VAV3: variants seen among roughly 807,000 people sequenced by gnomAD.
VAV3 encodes the protein vav guanine nucleotide exchange factor 3.
Under a neutral mutation model 131.2 loss-of-function variants are expected in VAV3, and 94 were observed. The observed-to-expected ratio is 0.72, with a 90% confidence interval of 0.61 to 0.85. VAV3 has a LOEUF of 0.85. VAV3 is among the 40% of genes least tolerant of loss of function. The pLI, the probability that VAV3 is intolerant of heterozygous loss-of-function variation, is 0.00. For missense variants in VAV3, 939 were observed against 1,002.7 expected (o/e 0.94, Z 0.86); for synonymous variants, 349 against 342.0 (o/e 1.02, Z -0.22).
At chr1:107,916,571 A>G (rs1672629066) in intron 1 of VAV3, among the ~76,000 whole-genome samples, 1 of 152,242 alleles carries the variant, frequency 6.6e-6, no homozygotes, top group Non-Finnish European at 1.5e-5. Context: ...GTAATTTACA[A>G]TTTGTACAGG....
At chr1:107,860,050 T>C (rs1669664362) in intron 2 of VAV3, among the ~76,000 whole-genome samples, 1 of 152,232 alleles carries the variant, frequency 6.6e-6, no homozygotes, top group Admixed American at 6.5e-5. Context: ...ATATTTACTT[T>C]TAAATTGTTC....
At chr1:107,753,513 C>CATATATATATACATATAT (rs1663887674) in intron 12 of VAV3, among the ~76,000 whole-genome samples, 1 of 80,626 alleles carries the variant, frequency 1.2e-5, no homozygotes, top group African/African-American at 4.6e-5. Flanking sequence ...TATATACACA[C>CATATATATATACATATAT]ATATATATAT....
intron 2 of VAV3, among the ~76,000 whole-genome samples, chr1:107,797,415 C>T (rs974119245): frequency 6.6e-6 from 1 of 152,082 alleles, no homozygotes; most frequent in African/African-American, 2.4e-5. Context: ...AGATGTAATC[C>T]CTTTCCTTAG....
chr1:107,887,703 T>C (rs559804289), intron 1 of VAV3, among the ~76,000 whole-genome samples: 2 of 152,150 alleles, frequency 1.3e-5, no homozygotes, highest in African/African-American at 2.4e-5. Flanking sequence ...GGTGTATAAG[T>C]GCCACTTCTG....
intron 1 of VAV3, among the ~76,000 whole-genome samples, chr1:107,955,261 T>G (rs1021978430): frequency 2.0e-5 from 3 of 149,728 alleles, no homozygotes; most frequent in African/African-American, 7.6e-5. Flanking sequence ...TACCTGCTAT[T>G]ATTAGTAATG....
intron 2 of VAV3, among the ~76,000 whole-genome samples, chr1:107,874,273 T>A (rs1056189256): frequency 6.6e-6 from 1 of 152,202 alleles, no homozygotes; most frequent in African/African-American, 2.4e-5. Context: ...TTATTATACA[T>A]GTGTTTAGTG....
At chr1:107,755,615 T>C in intron 11 of VAV3, 102 bp from the exon 12 acceptor site, 2 of 753,260 alleles carry the variant, frequency 2.7e-6, no homozygotes, top group South Asian at 3.6e-5. Flanking sequence ...GTGGTAAAAG[T>C]AACCACTGTA....
At chr1:107,767,118 T>C (rs1036474152) in intron 7 of VAV3, among the ~76,000 whole-genome samples, 1 of 152,226 alleles carries the variant, frequency 6.6e-6, no homozygotes, top group African/African-American at 2.4e-5. Flanking sequence ...ATTAGTGGTG[T>C]CCTGGTGCTA....
At chr1:107,867,675 G>T (rs1670062273) in intron 2 of VAV3, among the ~76,000 whole-genome samples, 1 of 152,164 alleles carries the variant, frequency 6.6e-6, no homozygotes. Context: ...CTGCTCAGGG[G>T]GACAAAGCAA....
chr1:107,857,994 CA>C (rs1319626402), intron 2 of VAV3, among the ~76,000 whole-genome samples: 1 of 152,128 alleles, frequency 6.6e-6, no homozygotes, highest in African/African-American at 2.4e-5. Flanking sequence ...TATATAGTAA[CA>C]ACATAGGTAA....
intron 1 of VAV3, among the ~76,000 whole-genome samples, chr1:107,880,211 C>T (rs747468633): frequency 3.3e-5 from 5 of 152,178 alleles, no homozygotes; most frequent in Admixed American, 1.3e-4. Context: ...ATAACTGATA[C>T]ATGAGGTAAG....
rs756406549 is a variant in VAV3 at position 107,603,167 on chromosome 1, T to TA, written c.2016-5dup. On this transcript the variant is annotated splice_polypyrimidine_tract_variant and splice_region_variant and intron_variant, in intron 22 of 26. Coordinates refer to ENST00000370056, the MANE Select transcript of VAV3 (RefSeq NM_006113.5). The stretch of plus-strand genomic sequence containing the variant: ...TCTTTCCATTGCTCCAGCATACCTG[T>TA]AAAAAACAATGACACAGAAAATTTG... The TA allele has an allele frequency of 5.0e-6, 8 of 1,609,464 alleles. No homozygotes were observed. The Admixed American group carries it at 1.0e-4, about 20-fold the overall frequency.
At chr1:107,838,306 G>C (rs919044799) in intron 2 of VAV3, among the ~76,000 whole-genome samples, 1 of 152,128 alleles carries the variant, frequency 6.6e-6, no homozygotes, top group African/African-American at 2.4e-5. Flanking sequence ...GACATGAACA[G>C]ACCCTTCTCA....
intron 2 of VAV3, among the ~76,000 whole-genome samples, chr1:107,851,241 G>A (rs1047077913): frequency 6.6e-6 from 1 of 151,166 alleles, no homozygotes; most frequent in African/African-American, 2.4e-5. Context: ...ATGAGAAGAG[G>A]GAAAGGAGAA....
At chr1:107,680,144 G>C (rs2504449) in intron 19 of VAV3, among the ~76,000 whole-genome samples, 10,438 of 151,870 alleles carry the variant, frequency 0.069, 909 homozygotes, top group African/African-American at 0.2. Context: ...TCTTGGATTT[G>C]AATAAACCCC....
Position 107,572,260 on chromosome 1 carries a change from C to A in VAV3, c.*1071G>T, listed in dbSNP as rs567106872. On this transcript the variant is annotated 3_prime_UTR_variant, in exon 27 of 27. Transcript: ENST00000370056. ...GAAGCTGGAGGCCCACAAAAGTCCA[C>A]TGACCCTCTTTCTGTCCCAGAAATG... The A allele has an allele frequency of 1.3e-5, 2 of 152,364 alleles. No homozygotes were observed. Among genetic ancestry groups the A allele is most frequent in the Admixed American group, 6.5e-5 (1 of 15,310 alleles). The allele number at this position is 152,364 out of a possible 1,614,324, so 9.4% of individuals were successfully genotyped here.
intron 19 of VAV3, among the ~76,000 whole-genome samples, chr1:107,679,326 A>G (rs1658441679): frequency 6.6e-6 from 1 of 152,134 alleles, no homozygotes; most frequent in Admixed American, 6.5e-5. Context: ...GTCAGAAAGG[A>G]CTCTTATCAA....
chr1:107,964,906 G>A lies in VAV3; in HGVS notation c.-37C>T, dbSNP rs542746320. 3 of 1,307,034 alleles carry A rather than the reference G, an allele frequency of 2.3e-6. No homozygotes were observed. Among genetic ancestry groups the A allele is most frequent in the South Asian group, 5.0e-5 (2 of 39,958 alleles). The allele number at this position is 1,307,034 out of a possible 1,614,324, so 81.0% of individuals were successfully genotyped here. On this transcript the variant is annotated 5_prime_UTR_variant, in exon 1 of 27. Coordinates refer to ENST00000370056, the MANE Select transcript of VAV3 (RefSeq NM_006113.5). ...CCGGGACGCGGCTGGGCCGGGGCGG[G>A]CGGCAAGGATGCGGCCGCCGCCGCC...
chr1:107,829,413 A>G (rs921852381), intron 2 of VAV3, among the ~76,000 whole-genome samples: 10 of 152,170 alleles, frequency 6.6e-5, no homozygotes, highest in Non-Finnish European at 1.2e-4. Context: ...GCTCTACATT[A>G]AAGTGTATTA....
Sources: allele counts gnomAD v4.1 joint callset (sites outside exome capture counted in the v4.1 genomes callset), GRCh38; gene constraint gnomAD v4.1.1; transcripts MANE v1.5; gene names NCBI Gene and HGNC (gene_info 2026-07-23, HGNC 2026-07-21).